The following UNC13B variants were observed in gnomAD, a reference collection of about 807,000 sequenced individuals.
UNC13B encodes protein unc-13 homolog B.
In UNC13B, 144 loss-of-function variants were observed where a neutral mutation model predicts 211.0. The observed-to-expected ratio is 0.68, with a 90% confidence interval of 0.60 to 0.78. The LOEUF (loss-of-function observed/expected upper bound fraction) is 0.78. Among genes scored for constraint, UNC13B ranks in the 30% least tolerant of loss-of-function variants. The pLI, the probability that UNC13B is intolerant of heterozygous loss-of-function variation, is 0.00. For missense variants in UNC13B, 1,777 were observed against 2,002.0 expected (o/e 0.89, Z 2.14); for synonymous variants, 709 against 725.8 (o/e 0.98, Z 0.37).
chr9:35,248,428 G>A (rs1826236862), intron 6 of UNC13B, among the ~76,000 whole-genome samples: 1 of 152,044 alleles, frequency 6.6e-6, no homozygotes, highest in Non-Finnish European at 1.5e-5. Flanking sequence ...TGCTTCTCTA[G>A]TCCTTTTAAT....
intron 6 of UNC13B, among the ~76,000 whole-genome samples, chr9:35,250,986 G>C (rs1182761936): frequency 1.0e-5 from 1 of 97,182 alleles, no homozygotes; most frequent in East Asian, 3.7e-4. Context: ...TTTTTGAGAA[G>C]GAATCTCACT....
chr9:35,297,561 T>TTTTGTTTTTTTTTGTTTTTTTG (rs1587564967), intron 8 of UNC13B, among the ~76,000 whole-genome samples: 5 of 128,162 alleles, frequency 3.9e-5, no homozygotes, highest in Admixed American at 1.6e-4. Flanking sequence ...TTTTTTTTTT[T>TTTTGTTTTTTTTTGTTTTTTTG]TTTTTTGAGA....
Position 35,342,199 on chromosome 9 carries a change from C to T in UNC13B, c.9415-24748C>T, listed in dbSNP as rs986675500. 8 of 985,498 alleles carry T rather than the reference C, an allele frequency of 8.1e-6. No individual in the cohort carries two copies. The African/African-American group carries it at 1.0e-4, about 13-fold the overall frequency. 61.0% of individuals were successfully genotyped at this position (985,498 alleles called of 1,614,324 possible). On this transcript the variant is annotated intron_variant, in intron 11 of 39. Coordinates refer to ENST00000635942, the MANE Select transcript of UNC13B (RefSeq NM_001371189.2). ...CAGTGGTGCTTTGGCTCAGAAAGTT[C>T]GTCCTGTGGCTTCTCTGTCAAACCA...
At chr9:35,194,300 T>C (rs1378584310) in intron 1 of UNC13B, among the ~76,000 whole-genome samples, 1 of 152,152 alleles carries the variant, frequency 6.6e-6, no homozygotes, top group Non-Finnish European at 1.5e-5. Flanking sequence ...GATATGACAG[T>C]CGCAGACAGG....
intron 1 of UNC13B, among the ~76,000 whole-genome samples, chr9:35,197,815 C>A (rs1046526008): frequency 6.6e-6 from 1 of 152,190 alleles, no homozygotes; most frequent in Non-Finnish European, 1.5e-5. Context: ...CCTTTGCCTT[C>A]CGCCATGATC....
chr9:35,390,227 G>A (rs1358792761), intron 25 of UNC13B, among the ~76,000 whole-genome samples: 3 of 152,182 alleles, frequency 2.0e-5, no homozygotes, highest in African/African-American at 7.2e-5. Flanking sequence ...TGCCATAGGA[G>A]CCCCAGGGGA....
intron 11 of UNC13B, among the ~76,000 whole-genome samples, chr9:35,318,051 G>A (rs1003550344): frequency 1.2e-4 from 17 of 139,928 alleles, no homozygotes; most frequent in Non-Finnish European, 2.6e-4. Context: ...TTCTTTTTCA[G>A]AAGTATAATA....
intron 11 of UNC13B, among the ~76,000 whole-genome samples, chr9:35,314,462 A>G (rs1454567395): frequency 6.6e-6 from 1 of 152,188 alleles, no homozygotes; most frequent in Non-Finnish European, 1.5e-5. Flanking sequence ...AAAAACAAAG[A>G]TAAATATTTT....
chr9:35,305,289 A>G lies in UNC13B; in HGVS notation c.5885A>G (p.Asp1962Gly), dbSNP rs1013344660. The change falls in exon 9 of 40, where the codon GAT becomes GGT. Residue 1962 changes from aspartate to glycine, a missense_variant. Transcript: ENST00000635942. Reference protein sequence around the residue: ...EGSPNLEKIGDTNVKIPPQEK... With the variant: ...EGSPNLEKIGGTNVKIPPQEK... The stretch of plus-strand genomic sequence containing the variant: ...TCACCAAACTTAGAAAAGATTGGTG[A>G]TACAAATGTCAAGATACCACCTCAA... 2 of 398,882 alleles carry G rather than the reference A, an allele frequency of 5.0e-6. No individual in the cohort carries two copies. The highest frequency in any genetic ancestry group is 4.1e-5 in the African/African-American group (2 of 48,646). 24.7% of individuals were successfully genotyped at this position (398,882 alleles called of 1,614,324 possible).
At chr9:35,264,621 A>G (rs2131648166) in intron 7 of UNC13B, among the ~76,000 whole-genome samples, 1 of 152,308 alleles carries the variant, frequency 6.6e-6, no homozygotes, top group South Asian at 2.1e-4. Context: ...TTCCAGGGAA[A>G]GGAAAGAATT....
intron 10 of UNC13B, 72 bp from the exon 11 acceptor site, chr9:35,313,827 A>T (rs1830313152): frequency 3.4e-6 from 4 of 1,187,506 alleles, no homozygotes; most frequent in Non-Finnish European, 5.0e-6. Context: ...GACATTTGGC[A>T]GTCTTGCCTT....
intron 8 of UNC13B, among the ~76,000 whole-genome samples, chr9:35,297,261 G>A (rs1228321886): frequency 5.3e-5 from 8 of 151,228 alleles, no homozygotes; most frequent in Non-Finnish European, 8.9e-5. Context: ...GCTAATTTTT[G>A]TATTTTTGGT....
intron 7 of UNC13B, among the ~76,000 whole-genome samples, chr9:35,287,814 A>G (rs1312872418): frequency 1.3e-5 from 2 of 152,022 alleles, no homozygotes; most frequent in East Asian, 1.9e-4. Context: ...TCTGTTCCAC[A>G]TCTCTTTCCT....
intron 7 of UNC13B, among the ~76,000 whole-genome samples, chr9:35,273,845 G>T (rs1828025476): frequency 6.6e-6 from 1 of 152,232 alleles, no homozygotes; most frequent in African/African-American, 2.4e-5. Context: ...TGCTTTCGTA[G>T]TTGGGTCTTA....
chr9:35,404,440 G>A lies in UNC13B; in HGVS notation c.*407G>A. 5.0e-6 allele frequency: 1 copy of A among 198,226 alleles called. No individual in the cohort carries two copies. Among genetic ancestry groups the A allele is most frequent in the Non-Finnish European group, 1.0e-5 (1 of 95,602 alleles). The allele number at this position is 198,226 out of a possible 1,614,324, so 12.3% of individuals were successfully genotyped here. Reference sequence around the variant, plus strand: ...AACAAGTTTAGAAGGTGTGGAACTTGTGCCTGGCTGGCTGGGTAGTCAGCT... The same window carrying A: ...AACAAGTTTAGAAGGTGTGGAACTTATGCCTGGCTGGCTGGGTAGTCAGCT... On this transcript the variant is annotated 3_prime_UTR_variant, in exon 40 of 40. Coordinates refer to ENST00000635942, the MANE Select transcript of UNC13B (RefSeq NM_001371189.2).
chr9:35,383,665 A>G (rs1307110616), intron 21 of UNC13B, among the ~76,000 whole-genome samples: 1 of 152,172 alleles, frequency 6.6e-6, no homozygotes, highest in Non-Finnish European at 1.5e-5. Context: ...ATCAGCTATT[A>G]AAATAGTATA....
At chr9:35,358,776 C>T (rs1169114657) in intron 11 of UNC13B, among the ~76,000 whole-genome samples, 1 of 150,786 alleles carries the variant, frequency 6.6e-6, no homozygotes, top group Non-Finnish European at 1.5e-5. Context: ...TCACAGCAAC[C>T]TCCGCCTCCT....
intron 11 of UNC13B, among the ~76,000 whole-genome samples, chr9:35,365,698 C>T (rs1833728952): frequency 6.6e-6 from 1 of 152,098 alleles, no homozygotes; most frequent in African/African-American, 2.4e-5. Flanking sequence ...TATACTATCC[C>T]CATTGTCTTT....
At chr9:35,349,259 A>G (rs1832565032) in intron 11 of UNC13B, among the ~76,000 whole-genome samples, 1 of 151,846 alleles carries the variant, frequency 6.6e-6, no homozygotes, top group African/African-American at 2.4e-5. Context: ...GCCACTTGCC[A>G]GCTGCAGCCC....
Sources: gnomAD v4.1 joint callset for allele counts (sites outside exome capture counted in the v4.1 genomes callset) on GRCh38, gnomAD v4.1.1 for gene constraint, MANE v1.5 for transcripts, NCBI Gene and HGNC (gene_info 2026-07-23, HGNC 2026-07-21) for gene names.